Variants in KANK1 observed in about 807,000 individuals in gnomAD.
KANK1 encodes KN motif and ankyrin repeat domains 1.
Under a neutral mutation model 106.2 loss-of-function variants are expected in KANK1, and 109 were observed. The ratio of observed to expected loss-of-function variants is 1.03; its 90% confidence interval spans 0.88 to 1.20. The LOEUF is 1.20. Ranked by LOEUF, KANK1 falls within the 50% of genes most tolerant of loss-of-function variation. KANK1 has a pLI of 0.00. For synonymous variants in KANK1, 873 were observed against 652.2 expected (o/e 1.34, Z -5.16); for missense variants, 2,399 against 1,710.7 (o/e 1.40, Z -7.10).
intron 1 of KANK1, among the ~76,000 whole-genome samples, chr9:608,883 A>G (rs1829940547): frequency 6.6e-6 from 1 of 152,186 alleles, no homozygotes; most frequent in Non-Finnish European, 1.5e-5. Context: ...GACATGCATA[A>G]TAGATGCATT....
chr9:519,862 A>G (rs1184163059), intron 1 of KANK1, among the ~76,000 whole-genome samples: 1 of 151,802 alleles, frequency 6.6e-6, no homozygotes, highest in Non-Finnish European at 1.5e-5. Flanking sequence ...ATGCATTTAT[A>G]AGGCAAAAAC....
chr9:649,436 T>C (rs1840400594), intron 1 of KANK1, among the ~76,000 whole-genome samples: 1 of 152,196 alleles, frequency 6.6e-6, no homozygotes, highest in African/African-American at 2.4e-5. Flanking sequence ...AGTGAAATTG[T>C]ACAGATGTGT....
intron 1 of KANK1, among the ~76,000 whole-genome samples, chr9:634,319 C>A (rs1836538335): frequency 6.6e-6 from 1 of 152,074 alleles, no homozygotes. Context: ...TGCCACCTCA[C>A]CTGCACTGAG....
intron 10 of KANK1, 27 bp downstream of exon 10, chr9:742,432 G>A (rs200159542): frequency 3.2e-6 from 5 of 1,584,362 alleles, no homozygotes; most frequent in Non-Finnish European, 4.3e-6. Context: ...GGGCCTCCTG[G>A]CCAGGGGTCT....
intron 1 of KANK1, among the ~76,000 whole-genome samples, chr9:529,463 T>C (rs2059962087): frequency 6.6e-6 from 1 of 151,298 alleles, no homozygotes; most frequent in Non-Finnish European, 1.5e-5. Context: ...CCTTCCAAAG[T>C]GCTGGGATTA....
chr9:507,475 C>T (rs535374453), intron 1 of KANK1, among the ~76,000 whole-genome samples: 11 of 152,146 alleles, frequency 7.2e-5, no homozygotes, highest in South Asian at 2.1e-4. Context: ...CTGCAACCTC[C>T]GCCTCCCAGG....
chr9:616,835 G>T lies in KANK1; in HGVS notation c.-83-60055G>T, dbSNP rs188419463. ...GAGGAAGGAAAGAAAGCAAGGCAAAGTTCCACACTAGCCCTTAAAACTTCT... is the reference window on the plus strand; with the variant it reads ...GAGGAAGGAAAGAAAGCAAGGCAAATTTCCACACTAGCCCTTAAAACTTCT... On this transcript the variant is annotated intron_variant, in intron 1 of 11. Transcript: ENST00000382297. Among the ~76,000 whole-genome samples the T allele has an allele frequency of 3.4e-3, 524 of 152,286 alleles. 3 individuals are homozygous for T. The highest frequency in any genetic ancestry group is 6.0e-3 in the Non-Finnish European group (408 of 68,028).
intron 1 of KANK1, among the ~76,000 whole-genome samples, chr9:620,639 T>C (rs141520558): frequency 1.2e-3 from 177 of 152,234 alleles, no homozygotes; most frequent in Non-Finnish European, 1.7e-3. Context: ...ATGCCTGACC[T>C]CATGATCCAG....
chr9:482,036 T>G (rs958588365), intron 3 of KANK1, among the ~76,000 whole-genome samples: 1 of 152,090 alleles, frequency 6.6e-6, no homozygotes, highest in East Asian at 1.9e-4. Context: ...GTTCTGAGCC[T>G]CCTCCTCAGC....
chr9:577,183 G>A (rs1820791416), intron 1 of KANK1, among the ~76,000 whole-genome samples: 1 of 152,224 alleles, frequency 6.6e-6, no homozygotes, highest in Non-Finnish European at 1.5e-5. Flanking sequence ...CAAGCGGGTT[G>A]CCTCTGCTGG....
chr9:628,808 G>T (rs1266404541), intron 1 of KANK1, among the ~76,000 whole-genome samples: 1 of 152,060 alleles, frequency 6.6e-6, no homozygotes, highest in East Asian at 1.9e-4. Context: ...GCCGGGCATG[G>T]TGGCTCACTC....
intron 1 of KANK1, among the ~76,000 whole-genome samples, chr9:619,832 G>A (rs539095604): frequency 6.6e-6 from 1 of 152,154 alleles, no homozygotes; most frequent in Non-Finnish European, 1.5e-5. Context: ...AGCAGAGTTA[G>A]CTAGTTTAAA....
intron 3 of KANK1, among the ~76,000 whole-genome samples, chr9:475,392 G>A (rs776267824): frequency 5.3e-5 from 8 of 152,304 alleles, no homozygotes; most frequent in East Asian, 3.9e-4. Flanking sequence ...CTGTAAGACC[G>A]CAAGTCAAAG....
chr9:693,024 T>C (rs1323260), intron 2 of KANK1, among the ~76,000 whole-genome samples: 1 of 151,338 alleles, frequency 6.6e-6, no homozygotes. Context: ...TTTTTTTTTT[T>C]AGGTAATGAA....
intron 2 of KANK1, among the ~76,000 whole-genome samples, chr9:472,059 T>A (rs533084264): frequency 5.7e-4 from 87 of 152,304 alleles, no homozygotes; most frequent in African/African-American, 2.0e-3. Flanking sequence ...CACATCCCCA[T>A]ACGCCAAAAC....
intron 2 of KANK1, among the ~76,000 whole-genome samples, chr9:699,864 C>G (rs1822220376): frequency 6.6e-6 from 1 of 152,158 alleles, no homozygotes; most frequent in Admixed American, 6.5e-5. Context: ...CATCTGTAGT[C>G]CTAGCTACTA....
At chr9:512,955 C>G (rs774189247) in intron 1 of KANK1, among the ~76,000 whole-genome samples, 26 of 152,140 alleles carry the variant, frequency 1.7e-4, no homozygotes, top group Non-Finnish European at 3.2e-4. Context: ...ATAAAGCAGT[C>G]CATTCTTTAC....
At chr9:552,786 T>C (rs1331533227) in intron 1 of KANK1, among the ~76,000 whole-genome samples, 3 of 152,250 alleles carry the variant, frequency 2.0e-5, no homozygotes, top group Non-Finnish European at 1.5e-5. Context: ...TGGTTAGGTA[T>C]TGCATACACT....
Position 551,036 on chromosome 9 carries a change from G to T in KANK1, c.-84+46282G>T, listed in dbSNP as rs528395611. ...GAAAGCAGAAAAAGAGATGGGTCAG[G>T]GAGGAAAGCCAAGATGGAAAATGGA... is the stretch of plus-strand genomic sequence containing the variant. On this transcript the variant is annotated intron_variant, in intron 1 of 11. Transcript: ENST00000382297. Among the ~76,000 whole-genome samples the T allele has an allele frequency of 4.6e-5, 7 of 151,972 alleles. No homozygotes were observed. The South Asian group carries it at 1.5e-3, about 32-fold the overall frequency.
Sources: gnomAD v4.1 joint callset for allele counts (sites outside exome capture counted in the v4.1 genomes callset) on GRCh38, gnomAD v4.1.1 for gene constraint, MANE v1.5 for transcripts, NCBI Gene and HGNC (gene_info 2026-07-23, HGNC 2026-07-21) for gene names.